GLI2: variants seen among roughly 807,000 people sequenced by gnomAD.
GLI2 encodes the protein transcription activator GLI2.
A neutral mutation model predicts 78.9 loss-of-function variants in GLI2; 22 were observed. The observed-to-expected ratio is 0.28, with a 90% CI of 0.20 to 0.40. The LOEUF is 0.40. Ranked by LOEUF, GLI2 falls within the 10% of genes least tolerant of loss-of-function variation. The pLI is 1.00. For synonymous variants in GLI2, 974 were observed against 963.7 expected, an observed-to-expected ratio of 1.01 and a Z score of -0.20; for missense variants, 2,097 against 2,213.2, an observed-to-expected ratio of 0.95 and a Z score of 1.05.
At chr2:120,850,586 G>T (rs892715550) in intron 2 of GLI2, among the ~76,000 whole-genome samples, 1 of 152,234 alleles carries the variant, frequency 6.6e-6, no homozygotes, top group Non-Finnish European at 1.5e-5. Flanking sequence ...GTAAGTGAAT[G>T]CAGGGAAGAC....
At chr2:120,893,656 A>AG (rs888227231) in intron 2 of GLI2, among the ~76,000 whole-genome samples, 6 of 150,186 alleles carry the variant, frequency 4.0e-5, no homozygotes, top group Admixed American at 3.3e-4. Context: ...AAAAGAAGAA[A>AG]GAAAAAAAAA....
intron 2 of GLI2, among the ~76,000 whole-genome samples, chr2:120,916,893 G>T (rs114215686): frequency 0.011 from 1,665 of 152,288 alleles, 26 homozygotes; most frequent in African/African-American, 0.037. Context: ...GACCTGGATG[G>T]TTGAAGGAGG....
intron 5 of GLI2, among the ~76,000 whole-genome samples, chr2:120,964,301 G>A (rs1681728834): frequency 6.6e-6 from 1 of 152,236 alleles, no homozygotes. Context: ...AGACCTGGTG[G>A]CTGGAGTGAG....
At chr2:120,829,068 G>A (rs187256919) in intron 2 of GLI2, among the ~76,000 whole-genome samples, 1 of 144,840 alleles carries the variant, frequency 6.9e-6, no homozygotes, top group Non-Finnish European at 1.5e-5. Flanking sequence ...ACACACGTAC[G>A]CATGCATGCA....
chr2:120,987,032 A>G (rs1327286532), intron 13 of GLI2, among the ~76,000 whole-genome samples: 9 of 152,248 alleles, frequency 5.9e-5, no homozygotes, highest in Admixed American at 5.9e-4. Context: ...ACTCTACTGC[A>G]GAACGAGCCA....
At chr2:120,895,534 G>C (rs277537) in intron 2 of GLI2, among the ~76,000 whole-genome samples, 67,145 of 151,852 alleles carry the variant, frequency 0.44, 16,293 homozygotes, top group African/African-American at 0.65. Context: ...GAAACGCCAT[G>C]TCTACTAAAA....
chr2:120,769,792 C>G (rs12478714), intron 1 of GLI2, among the ~76,000 whole-genome samples: 20,767 of 152,054 alleles, frequency 0.14, 1,747 homozygotes, highest in East Asian at 0.23. Context: ...TGGGAGTGTG[C>G]GTCTCTGCCT....
At chr2:120,865,075 G>A (rs1688063551) in intron 2 of GLI2, among the ~76,000 whole-genome samples, 1 of 152,190 alleles carries the variant, frequency 6.6e-6, no homozygotes, top group Admixed American at 6.5e-5. Flanking sequence ...TGGTGCCCTG[G>A]GATTCTGCCT....
chr2:120,839,335 A>T (rs564101615), intron 2 of GLI2, among the ~76,000 whole-genome samples: 30 of 152,302 alleles, frequency 2.0e-4, no homozygotes, highest in Non-Finnish European at 3.8e-4. Context: ...AACGTTTTTT[A>T]AAAAATTACT....
chr2:120,971,462 G>T (rs1320477855), intron 7 of GLI2, among the ~76,000 whole-genome samples: 3 of 152,244 alleles, frequency 2.0e-5, no homozygotes, highest in Non-Finnish European at 4.4e-5. Context: ...GCTCCTGGTG[G>T]CTCCCCAGAG....
chr2:120,911,495 G>A (rs186108854), intron 2 of GLI2, among the ~76,000 whole-genome samples: 1 of 152,288 alleles, frequency 6.6e-6, no homozygotes, highest in East Asian at 1.9e-4. Flanking sequence ...GCCCCGAGCA[G>A]CATGGCTTTC....
chr2:120,874,982 TC>T (rs1688662708), intron 2 of GLI2, among the ~76,000 whole-genome samples: 1 of 152,220 alleles, frequency 6.6e-6, no homozygotes, highest in African/African-American at 2.4e-5. Context: ...CCAGACACTT[TC>T]GGCCTGAAAC....
chr2:120,886,921 T>C (rs1677441604), intron 2 of GLI2, among the ~76,000 whole-genome samples: 1 of 152,194 alleles, frequency 6.6e-6, no homozygotes, highest in Non-Finnish European at 1.5e-5. Flanking sequence ...ACATCCAAGA[T>C]GCCTGGGGCT....
At chr2:120,792,872 C>T (rs976931272) in intron 1 of GLI2, among the ~76,000 whole-genome samples, 2 of 152,284 alleles carry the variant, frequency 1.3e-5, no homozygotes, top group East Asian at 1.9e-4. Flanking sequence ...CCGCCTGCCT[C>T]GGCCTCCCAA....
chr2:120,736,398 G>GT (rs1279355347), intron 1 of GLI2, 113 bp downstream of exon 1: 3 of 152,104 alleles, frequency 2.0e-5, no homozygotes, highest in Non-Finnish European at 4.4e-5. Context: ...CCTCGGCCGG[G>GT]TACCGGCGCC....
chr2:120,954,698 C>G (rs1278955091), intron 4 of GLI2, among the ~76,000 whole-genome samples: 1 of 152,138 alleles, frequency 6.6e-6, no homozygotes, highest in Admixed American at 6.5e-5. Flanking sequence ...TTCCTAAGAC[C>G]TGGGCAGGGC....
At chr2:120,934,870 A>G (rs1011311843) in intron 3 of GLI2, among the ~76,000 whole-genome samples, 1 of 152,094 alleles carries the variant, frequency 6.6e-6, no homozygotes, top group African/African-American at 2.4e-5. Context: ...GCTTTTTCCA[A>G]GGTCAGTGTC....
chr2:120,841,279 C>T (rs1178537241), intron 2 of GLI2, among the ~76,000 whole-genome samples: 1 of 152,216 alleles, frequency 6.6e-6, no homozygotes, highest in Non-Finnish European at 1.5e-5. Flanking sequence ...CTAAGTCACT[C>T]ACCACCTAAG....
chr2:120,805,375 A>G (rs1262197983), intron 2 of GLI2, among the ~76,000 whole-genome samples: 1 of 152,214 alleles, frequency 6.6e-6, no homozygotes, highest in South Asian at 2.1e-4. Flanking sequence ...CCTGCCTGGA[A>G]TGACAGTGTC....
Sources: allele counts gnomAD v4.1 joint callset (sites outside exome capture counted in the v4.1 genomes callset), GRCh38; gene constraint gnomAD v4.1.1; transcripts MANE v1.5; gene names NCBI Gene and HGNC (gene_info 2026-07-23, HGNC 2026-07-21).